Variants in ARFGEF3 observed in about 807,000 individuals in gnomAD.
The protein encoded by ARFGEF3 is brefeldin A-inhibited guanine nucleotide-exchange protein 3.
A neutral mutation model predicts 221.7 loss-of-function variants in ARFGEF3; 96 were observed. The observed-to-expected ratio is 0.43, with a 90% CI of 0.37 to 0.51. ARFGEF3 has a LOEUF of 0.51. Among genes scored for constraint, ARFGEF3 ranks in the 20% least tolerant of loss-of-function variants. The pLI is 0.00. For missense variants in ARFGEF3, 2,410 were observed against 2,789.9 expected (o/e 0.86, Z 3.07); for synonymous variants, 1,145 against 1,126.8 (o/e 1.02, Z -0.32).
intron 14 of ARFGEF3, among the ~76,000 whole-genome samples, chr6:138,281,426 T>G (rs1779194592): frequency 6.6e-6 from 1 of 152,218 alleles, no homozygotes; most frequent in South Asian, 2.1e-4. Flanking sequence ...ACCCGGGTAC[T>G]GAGTATAGTA....
At chr6:138,281,624 G>A (rs1247644283) in intron 14 of ARFGEF3, among the ~76,000 whole-genome samples, 1 of 152,226 alleles carries the variant, frequency 6.6e-6, no homozygotes, top group Non-Finnish European at 1.5e-5. Flanking sequence ...CTATGTCCAT[G>A]TTGCAACAAA....
intron 17 of ARFGEF3, 143 bp downstream of exon 17, chr6:138,287,327 A>G: frequency 1.6e-6 from 1 of 642,742 alleles, no homozygotes; most frequent in Non-Finnish European, 2.7e-6. Flanking sequence ...ACGAGATCCC[A>G]TTGAGCCACA....
intron 12 of ARFGEF3, among the ~76,000 whole-genome samples, chr6:138,275,347 C>T (rs911940618): frequency 6.6e-6 from 1 of 151,894 alleles, no homozygotes; most frequent in Non-Finnish European, 1.5e-5. Flanking sequence ...TATGCTTAGT[C>T]CCACCAAAAA....
chr6:138,267,968 G>A (rs1486921966), intron 12 of ARFGEF3, among the ~76,000 whole-genome samples: 2 of 152,134 alleles, frequency 1.3e-5, no homozygotes, highest in Non-Finnish European at 2.9e-5. Context: ...TTTCTATTCA[G>A]GAGTTGGACT....
intron 22 of ARFGEF3, among the ~76,000 whole-genome samples, chr6:138,305,559 C>T (rs562577523): frequency 5.7e-4 from 85 of 148,420 alleles, no homozygotes; most frequent in Admixed American, 1.2e-3. Flanking sequence ...TGCAGTGAGC[C>T]GTGATCACAT....
At chr6:138,288,965 T>A (rs1779348384) in intron 17 of ARFGEF3, among the ~76,000 whole-genome samples, 1 of 152,176 alleles carries the variant, frequency 6.6e-6, no homozygotes, top group Non-Finnish European at 1.5e-5. Context: ...ATTTTTTTTT[T>A]CTTTTGAGAC....
Position 138,230,594 on chromosome 6 carries a change from A to C in ARFGEF3, c.420+742A>C, listed in dbSNP as rs144763746. On this transcript the variant is annotated intron_variant, in intron 5 of 33. Coordinates refer to ENST00000251691, the MANE Select transcript of ARFGEF3 (RefSeq NM_020340.5). ...ATGATGGAGAAAAAGGCTAATTATC[A>C]GCACTCATGGAGAGTACTTATATTA... Among the ~76,000 whole-genome samples, 42 of 152,390 alleles carry C rather than the reference A, an allele frequency of 2.8e-4. No individual in the cohort carries two copies. The East Asian group carries it at 6.7e-3, about 24-fold the overall frequency.
chr6:138,166,196 G>A (rs935947713), intron 1 of ARFGEF3, among the ~76,000 whole-genome samples: 1 of 152,222 alleles, frequency 6.6e-6, no homozygotes, highest in African/African-American at 2.4e-5. Context: ...TGTTCAATAA[G>A]TAAATCAATA....
intron 2 of ARFGEF3, among the ~76,000 whole-genome samples, chr6:138,191,948 T>A (rs992962045): frequency 6.6e-6 from 1 of 152,150 alleles, no homozygotes; most frequent in African/African-American, 2.4e-5. Flanking sequence ...ATAAGGCAAC[T>A]GTGATAATCA....
rs747624329 is a variant in ARFGEF3, at chr6:138,285,907, G to A, written c.2462-39G>A. 21 of 1,296,136 alleles carry A rather than the reference G, an allele frequency of 1.6e-5. No homozygotes were observed. In the South Asian group the frequency reaches 2.3e-4, roughly 14 times the overall value. The allele number at this position is 1,296,136 out of a possible 1,614,324, so 80.3% of individuals were successfully genotyped here. A position where few individuals can be genotyped will look rare whatever the true frequency, so the allele number is the denominator to read the frequency against. On this transcript the variant is annotated intron_variant, in intron 14 of 33. Coordinates refer to ENST00000251691, the MANE Select transcript of ARFGEF3 (RefSeq NM_020340.5). ...CCATTTGCTTGTTTTTGACTGGAGT[G>A]TTTTATTTAGGGAAAACTTCTTTCT...
intron 2 of ARFGEF3, among the ~76,000 whole-genome samples, chr6:138,186,902 CTTTTTTTTTTTT>C (rs71693484): frequency 2.0e-4 from 15 of 76,050 alleles, no homozygotes; most frequent in Admixed American, 4.1e-4. Flanking sequence ...CATCCTTTTT[CTTTTTTTTTTTT>C]TTTTTTTTTT....
At chr6:138,319,518 C>T (rs1245640271) in intron 27 of ARFGEF3, among the ~76,000 whole-genome samples, 185 bp from the exon 28 acceptor site, 1 of 151,864 alleles carries the variant, frequency 6.6e-6, no homozygotes, top group East Asian at 1.9e-4. Context: ...TAACTAAAAC[C>T]CCGCAGAAAA....
At chr6:138,251,336 G>A (rs944606167) in intron 8 of ARFGEF3, among the ~76,000 whole-genome samples, 2 of 152,148 alleles carry the variant, frequency 1.3e-5, no homozygotes, top group Non-Finnish European at 2.9e-5. Context: ...TTTTGAATTG[G>A]AGCATTTCAT....
At chr6:138,317,769 G>T (rs1779952314) in intron 27 of ARFGEF3, among the ~76,000 whole-genome samples, 1 of 152,142 alleles carries the variant, frequency 6.6e-6, no homozygotes, top group South Asian at 2.1e-4. Context: ...TGTTGGTTGG[G>T]CTTACTGGGT....
Position 138,254,102 on chromosome 6 carries a change from G to A in ARFGEF3, c.770+118G>A, listed in dbSNP as rs575740105. ...CCACCAGTAGTAGTTTCATCTGTGCGTAAATGTCTTAGAGGGAAAGCAGGG... is the reference window on the plus strand; with the variant it reads ...CCACCAGTAGTAGTTTCATCTGTGCATAAATGTCTTAGAGGGAAAGCAGGG... On this transcript the variant is annotated intron_variant, in intron 9 of 33. Coordinates refer to ENST00000251691, the MANE Select transcript of ARFGEF3 (RefSeq NM_020340.5). The A allele has an allele frequency of 1.4e-4, 85 of 624,666 alleles. 1 individual carries two copies. The highest frequency in any genetic ancestry group is 8.0e-4 in the Admixed American group (23 of 28,866). 38.7% of individuals were successfully genotyped at this position (624,666 alleles called of 1,614,324 possible).
rs780473330 is a variant in ARFGEF3, at chr6:138,162,171, G to C, written c.85G>C (p.Glu29Gln). ...AIKESCTWAL[E>Q]TLGGLDTIVK... The stretch of plus-strand genomic sequence containing the variant: ...CAAGGAGAGCTGCACCTGGGCCCTG[G>C]GTAAGCGTCCGGCACCTGCTCGCCG... The change falls in exon 1 of 34, where the codon GAA becomes CAA. Residue 29 changes from glutamate to glutamine, a missense_variant and splice_region_variant. By Grantham distance (29) the Glu-to-Gln change is conservative. This residue lies in a region of ARFGEF3 where 570 missense variants were observed against 586.9 expected (regional missense o/e 0.97). Transcript: ENST00000251691. The surrounding 1 kb of genome is among the most constrained non-coding windows in gnomAD (Gnocchi z 4.7). 7 of 1,597,302 alleles carry C rather than the reference G, an allele frequency of 4.4e-6. No individual in the cohort carries two copies. In the South Asian group the frequency reaches 7.8e-5, roughly 18 times the overall value.
intron 33 of ARFGEF3, 50 bp downstream of exon 33, chr6:138,335,238 C>T: frequency 1.4e-6 from 2 of 1,475,062 alleles, no homozygotes; most frequent in East Asian, 4.7e-5. Context: ...GTTTCCAGTA[C>T]TGGATGGGCC....
intron 2 of ARFGEF3, among the ~76,000 whole-genome samples, chr6:138,194,776 G>A (rs569767295): frequency 2.9e-4 from 44 of 152,230 alleles, no homozygotes; most frequent in African/African-American, 1.0e-3. Context: ...AAGAAAAAGA[G>A]AAGCTATTCC....
intron 8 of ARFGEF3, among the ~76,000 whole-genome samples, chr6:138,248,842 T>TA (rs1198751431): frequency 2.6e-5 from 4 of 151,770 alleles, no homozygotes; most frequent in African/African-American, 4.8e-5. Context: ...ATAAATAAAA[T>TA]AAATAAGTCC....
Sources: allele counts gnomAD v4.1 joint callset (sites outside exome capture counted in the v4.1 genomes callset), GRCh38; gene constraint gnomAD v4.1.1; regional missense constraint gnomAD v4.1.1; non-coding constraint Gnocchi (gnomAD v3.1); transcripts MANE v1.5; gene names NCBI Gene and HGNC (gene_info 2026-07-23, HGNC 2026-07-21).